Variants in OLA1 observed in about 807,000 individuals in gnomAD.
The protein encoded by OLA1 is Obg like ATPase 1, also known as obg-like ATPase 1.
A neutral mutation model predicts 48.4 loss-of-function variants in OLA1; 14 were observed. That is an observed-to-expected ratio of 0.29 (90% CI 0.19 to 0.45). The LOEUF is 0.45. OLA1 is among the 20% of genes least tolerant of loss of function. The probability of loss-of-function intolerance (pLI) is 1.00; values close to 1 mark genes in which losing one functional copy is unlikely to be tolerated. For synonymous variants in OLA1, 127 were observed against 150.4 expected (o/e 0.84, Z 1.14); for missense variants, 325 against 467.1 (o/e 0.70, Z 2.80).
chr2:174,184,365 C>G (rs887236711), intron 4 of OLA1, among the ~76,000 whole-genome samples: 1 of 152,038 alleles, frequency 6.6e-6, no homozygotes, highest in African/African-American at 2.4e-5. Flanking sequence ...ATATTCTTTC[C>G]AAAAACCCAT....
At chr2:174,148,760 C>T (rs951537460) in intron 4 of OLA1, among the ~76,000 whole-genome samples, 3 of 152,154 alleles carry the variant, frequency 2.0e-5, no homozygotes, top group Admixed American at 1.3e-4. Flanking sequence ...TTCCTTCTTC[C>T]CAGCAGTAAA....
chr2:174,144,951 A>AAATATATATATATAT (rs1181030817), intron 4 of OLA1, among the ~76,000 whole-genome samples: 2 of 40,298 alleles, frequency 5.0e-5, no homozygotes, highest in Admixed American at 4.5e-4. Context: ...AAAAAAAAAA[A>AAATATATATATATAT]ATATATATAT....
At chr2:174,150,066 C>A (rs1399242866) in intron 4 of OLA1, among the ~76,000 whole-genome samples, 4 of 152,150 alleles carry the variant, frequency 2.6e-5, no homozygotes, top group African/African-American at 9.7e-5. Flanking sequence ...AAAACCTGGG[C>A]TATAGTTTCA....
chr2:174,145,710 A>G (rs1686579532), intron 4 of OLA1, among the ~76,000 whole-genome samples: 1 of 152,218 alleles, frequency 6.6e-6, no homozygotes. Flanking sequence ...TTCCACTTAC[A>G]TTAGTGACAA....
chr2:174,207,008 T>C (rs1447741786), intron 4 of OLA1, among the ~76,000 whole-genome samples: 3 of 152,196 alleles, frequency 2.0e-5, no homozygotes, highest in Non-Finnish European at 4.4e-5. Context: ...GTGACTCATT[T>C]AAAACTTTTA....
chr2:174,076,996 CAA>C (rs1338112063), intron 10 of OLA1, among the ~76,000 whole-genome samples: 2 of 151,998 alleles, frequency 1.3e-5, no homozygotes, highest in Admixed American at 6.6e-5. Flanking sequence ...TGTTACCACT[CAA>C]GTTTACTATT....
intron 5 of OLA1, among the ~76,000 whole-genome samples, chr2:174,137,941 C>A (rs1686351569): frequency 6.6e-6 from 1 of 152,168 alleles, no homozygotes; most frequent in South Asian, 2.1e-4. Context: ...GCAAGAGGAT[C>A]ACTTAAGCCC....
intron 5 of OLA1, 149 bp from the exon 6 acceptor site, chr2:174,123,824 A>C: frequency 8.1e-5 from 33 of 407,478 alleles, no homozygotes; most frequent in East Asian, 1.1e-4. Context: ...TCAATATCTC[A>C]TTTAAAAACC....
chr2:174,085,159 G>A (rs1440869316), intron 7 of OLA1, among the ~76,000 whole-genome samples: 1 of 152,184 alleles, frequency 6.6e-6, no homozygotes, highest in East Asian at 1.9e-4. Flanking sequence ...ACAGCAAGGG[G>A]ACAAAGAAAG....
intron 7 of OLA1, among the ~76,000 whole-genome samples, chr2:174,122,910 GATA>G (rs755524963): frequency 1.3e-5 from 2 of 151,970 alleles, no homozygotes; most frequent in African/African-American, 4.8e-5. Context: ...GGAAATAAAC[GATA>G]ATGTCTAATA....
intron 7 of OLA1, among the ~76,000 whole-genome samples, chr2:174,109,850 T>C (rs1245471902): frequency 2.0e-5 from 3 of 152,212 alleles, no homozygotes; most frequent in African/African-American, 4.8e-5. Context: ...TGGGGCTACA[T>C]GTGAAGGTTC....
chr2:174,076,650 T>A (rs1684744281), intron 10 of OLA1, among the ~76,000 whole-genome samples: 1 of 152,028 alleles, frequency 6.6e-6, no homozygotes, highest in Non-Finnish European at 1.5e-5. Flanking sequence ...AGACCACATA[T>A]AAAACTGTCC....
chr2:174,204,305 G>A (rs950674479), intron 4 of OLA1, among the ~76,000 whole-genome samples: 32 of 152,020 alleles, frequency 2.1e-4, no homozygotes, highest in Admixed American at 5.2e-4. Context: ...GGAGGCTGAC[G>A]CAGGAGAATG....
chr2:174,215,339 A>G (rs1048539539), intron 4 of OLA1, among the ~76,000 whole-genome samples: 1 of 152,246 alleles, frequency 6.6e-6, no homozygotes, highest in Non-Finnish European at 1.5e-5. Flanking sequence ...TGAACTTTAC[A>G]AATATTTTTA....
chr2:174,156,350 C>T (rs1686877044), intron 4 of OLA1, among the ~76,000 whole-genome samples: 1 of 152,106 alleles, frequency 6.6e-6, no homozygotes, highest in Non-Finnish European at 1.5e-5. Context: ...CAGACATTGC[C>T]AACCTACAGT....
intron 4 of OLA1, among the ~76,000 whole-genome samples, chr2:174,185,866 G>A (rs770888404): frequency 2.6e-5 from 4 of 152,122 alleles, no homozygotes; most frequent in Non-Finnish European, 5.9e-5. Flanking sequence ...GGTAGAGGTT[G>A]CAGTGAACCA....
chr2:174,188,371 AAAT>A (rs34087383), intron 4 of OLA1, among the ~76,000 whole-genome samples: 22 of 149,210 alleles, frequency 1.5e-4, no homozygotes, highest in Admixed American at 4.7e-4. Flanking sequence ...TTCCTCCTAA[AAAT>A]AATAATAATA....
intron 7 of OLA1, among the ~76,000 whole-genome samples, chr2:174,093,478 A>G (rs892006615): frequency 1.3e-5 from 2 of 151,182 alleles, no homozygotes; most frequent in African/African-American, 4.9e-5. Context: ...CAAAAAAAAA[A>G]CCAAACAAAC....
At chr2:174,142,522 G>GT (rs960874923) in intron 4 of OLA1, among the ~76,000 whole-genome samples, 1 of 152,170 alleles carries the variant, frequency 6.6e-6, no homozygotes, top group African/African-American at 2.4e-5. Flanking sequence ...TGAGGGTATG[G>GT]TTTTTAGGGG....
Sources: allele counts gnomAD v4.1 joint callset (sites outside exome capture counted in the v4.1 genomes callset), GRCh38; gene constraint gnomAD v4.1.1; transcripts MANE v1.5; gene names NCBI Gene and HGNC (gene_info 2026-07-23, HGNC 2026-07-21).